The following MRPS25 variants were observed in gnomAD, a reference collection of about 807,000 sequenced individuals.
The protein encoded by MRPS25 is mitochondrial ribosomal protein S25.
A neutral mutation model predicts 17.3 loss-of-function variants in MRPS25; 15 were observed. The observed-to-expected ratio is 0.87, with a 90% CI of 0.58 to 1.34. MRPS25 has a LOEUF of 1.34. Among genes scored for constraint, MRPS25 ranks in the 40% most tolerant of loss-of-function variants. The probability of loss-of-function intolerance (pLI) is 0.00; values close to 1 mark genes in which losing one functional copy is unlikely to be tolerated. For synonymous variants in MRPS25, 94 were observed against 83.3 expected (o/e 1.13, Z -0.70); for missense variants, 225 against 218.6 (o/e 1.03, Z -0.19).
At chr3:15,053,894 G>A (rs2042638855) in intron 2 of MRPS25, among the ~76,000 whole-genome samples, 1 of 152,170 alleles carries the variant, frequency 6.6e-6, no homozygotes, top group Non-Finnish European at 1.5e-5. Context: ...GAAAATGGGA[G>A]AACGTTTACT....
At chr3:15,061,755 C>T (rs1390894153) in intron 1 of MRPS25, among the ~76,000 whole-genome samples, 2 of 151,598 alleles carry the variant, frequency 1.3e-5, no homozygotes, top group Non-Finnish European at 2.9e-5. Context: ...GGCCGCCCAT[C>T]GTCTGAGATG....
rs902107299 is a variant in MRPS25 at position 15,050,224 on chromosome 3, G to A, written c.*2217C>T. The A allele has an allele frequency of 2.6e-6, 3 of 1,164,298 alleles. No individual in the cohort carries two copies. The highest frequency in any genetic ancestry group is 7.6e-5 in the East Asian group (1 of 13,210). The allele number at this position is 1,164,298 out of a possible 1,614,324, so 72.1% of individuals were successfully genotyped here. ...GCCTGTGAAGCTGGCCACACAGGCA[G>A]TAACTGCACCACAGGACTGCTGCTG... On this transcript the variant is annotated 3_prime_UTR_variant, in exon 4 of 4. Coordinates refer to ENST00000253686, the MANE Select transcript of MRPS25 (RefSeq NM_022497.5).
At chr3:15,062,781 G>A (rs1481075873) in intron 1 of MRPS25, among the ~76,000 whole-genome samples, 2 of 152,074 alleles carry the variant, frequency 1.3e-5, no homozygotes, top group Non-Finnish European at 2.9e-5. Context: ...CCAACCCTGT[G>A]CTCTCTGAAA....
chr3:15,050,551 G>A lies in MRPS25; in HGVS notation c.*1890C>T, dbSNP rs958496206. On this transcript the variant is annotated 3_prime_UTR_variant, in exon 4 of 4. Coordinates refer to ENST00000253686, the MANE Select transcript of MRPS25 (RefSeq NM_022497.5). ...AAGAGCCCTTGCAGCCAAGTAGAAC[G>A]CCCAGGCAGGTGGTATCAAGGTCAA... The A allele has an allele frequency of 6.6e-5, 65 of 985,368 alleles. No homozygotes were observed. The highest frequency in any genetic ancestry group is 2.5e-4 in the Admixed American group (4 of 16,250). The allele number at this position is 985,368 out of a possible 1,614,324, so 61.0% of individuals were successfully genotyped here.
chr3:15,060,937 T>C (rs1200887278), intron 1 of MRPS25, among the ~76,000 whole-genome samples: 7 of 152,068 alleles, frequency 4.6e-5, no homozygotes, highest in Non-Finnish European at 7.4e-5. Context: ...AGGGGAGGAA[T>C]AGAGGCCTTG....
In MRPS25 at chr3:15,050,557, G is replaced by C. The variant is rs1485909606; in HGVS notation, c.*1884C>G. The C allele has an allele frequency of 1.0e-5, 10 of 985,522 alleles. No individual in the cohort carries two copies. The highest frequency in any genetic ancestry group is 1.7e-5 in the African/African-American group (1 of 57,326). The allele number at this position is 985,522 out of a possible 1,614,324, so 61.0% of individuals were successfully genotyped here. On this transcript the variant is annotated 3_prime_UTR_variant, in exon 4 of 4. Transcript: ENST00000253686. ...CCTTGCAGCCAAGTAGAACGCCCAG[G>C]CAGGTGGTATCAAGGTCAAGACTTC...
intron 1 of MRPS25, among the ~76,000 whole-genome samples, chr3:15,063,561 G>A (rs2042810894): frequency 1.3e-5 from 2 of 152,118 alleles, no homozygotes; most frequent in African/African-American, 2.4e-5. Context: ...GGTGGCACAG[G>A]CCAGCCCCTA....
At chr3:15,059,596 G>A in intron 1 of MRPS25, 121 bp from the exon 2 acceptor site, 1 of 733,304 alleles carries the variant, frequency 1.4e-6, no homozygotes, top group South Asian at 1.6e-5. Flanking sequence ...ACCCAAAAAG[G>A]CTGAGAAAAA....
rs561437624 is a variant in MRPS25, at chr3:15,058,929, G to A, written c.241+440C>T. On this transcript the variant is annotated intron_variant, in intron 2 of 3. Coordinates refer to ENST00000253686, the MANE Select transcript of MRPS25 (RefSeq NM_022497.5). ...GTCCTCAGAGGACACACACAGCACC[G>A]AGACAGAGGGGTTCTGGGGGCATGT... Among the ~76,000 whole-genome samples the A allele has an allele frequency of 9.2e-5, 14 of 152,108 alleles. No individual in the cohort carries two copies. The East Asian group carries it at 2.1e-3, about 23-fold the overall frequency.
rs1484761056 is a variant in MRPS25 at position 15,053,538 on chromosome 3, T to C, written c.242-71A>G. 4 of 1,570,512 alleles carry C rather than the reference T, an allele frequency of 2.5e-6. No individual in the cohort carries two copies. The East Asian group carries it at 6.7e-5, about 26-fold the overall frequency. On this transcript the variant is annotated intron_variant, in intron 2 of 3. Coordinates refer to ENST00000253686, the MANE Select transcript of MRPS25 (RefSeq NM_022497.5). ...GCACTCAGCCTCAAAAAGTTGTAAT[T>C]TGGGACTTGCTTTTAGTGGCAGAAA...
chr3:15,052,800 TGAG>T (rs1309923008), intron 3 of MRPS25, among the ~76,000 whole-genome samples, 167 bp from the exon 4 acceptor site: 1 of 152,062 alleles, frequency 6.6e-6, no homozygotes, highest in East Asian at 1.9e-4. Context: ...TGCTGGCCCC[TGAG>T]GAGAGCGCTG....
At chr3:15,058,529 C>T (rs1336977579) in intron 2 of MRPS25, among the ~76,000 whole-genome samples, 1 of 152,198 alleles carries the variant, frequency 6.6e-6, no homozygotes, top group African/African-American at 2.4e-5. Flanking sequence ...CTGTCTCCCT[C>T]TGCTGGATAT....
At position 15,065,285 on chromosome 3, in the gene MRPS25, C is replaced by G. The variant is rs1029921554; in HGVS notation, c.-91G>C. 6.9e-6 allele frequency: 10 copies of G among 1,439,368 alleles called. No homozygotes were observed. The highest frequency in any genetic ancestry group is 8.2e-6 in the Non-Finnish European group (9 of 1,094,146). The allele number at this position is 1,439,368 out of a possible 1,614,324, so 89.2% of individuals were successfully genotyped here. ...TAGCACCCGCGCGGATCTCACGCGG[C>G]TTCTCCCCAGAGCCAGGTTCCACTT... On this transcript the variant is annotated 5_prime_UTR_variant, in exon 1 of 4. Transcript: ENST00000253686.
chr3:15,052,529 C>T lies in MRPS25; in HGVS notation c.434G>A (p.Gly145Glu). 6.2e-7 allele frequency: 1 copy of T among 1,614,166 alleles called. No homozygotes were observed. Among genetic ancestry groups the T allele is most frequent in the South Asian group, 1.1e-5 (1 of 91,080 alleles). ...CLRECICEVE[G>E]QVPCPSLVPL... ...CACCAGGCTGGGGCAGGGCACCTGC[C>T]CTTCCACTTCACAGATGCACTCCCG... Residue 145 changes from glycine (G) to glutamate (E), a missense_variant, in exon 4 of 4, where the codon GGG becomes GAG. Transcript: ENST00000253686.
rs576289118 is a variant in MRPS25 at position 15,048,998 on chromosome 3, G to T, written c.*3443C>A. The T allele has an allele frequency of 4.6e-5, 7 of 152,698 alleles. No homozygotes were observed. The highest frequency in any genetic ancestry group is 1.3e-4 in the Admixed American group (2 of 15,302). 9.5% of individuals were successfully genotyped at this position (152,698 alleles called of 1,614,324 possible). A position where few individuals can be genotyped will look rare whatever the true frequency, so the allele number is the denominator to read the frequency against. On this transcript the variant is annotated 3_prime_UTR_variant, in exon 4 of 4. Coordinates refer to ENST00000253686, the MANE Select transcript of MRPS25 (RefSeq NM_022497.5). The stretch of plus-strand genomic sequence containing the variant: ...CCAGGTTTAAAACCTGTTGAAAGCT[G>T]CAGCTTTATACAGCTTTCTTCTCCC...
At chr3:15,060,836 G>A (rs376220082) in intron 1 of MRPS25, among the ~76,000 whole-genome samples, 59 of 152,196 alleles carry the variant, frequency 3.9e-4, no homozygotes, top group East Asian at 2.5e-3. Context: ...AGCCGAGATC[G>A]CGCCACTGCA....
At chr3:15,054,312 A>G (rs1283584163) in intron 2 of MRPS25, among the ~76,000 whole-genome samples, 1 of 152,252 alleles carries the variant, frequency 6.6e-6, no homozygotes, top group Non-Finnish European at 1.5e-5. Context: ...AGATACCAAG[A>G]TAATTCAATG....
Sources: gnomAD v4.1 joint callset for allele counts (sites outside exome capture counted in the v4.1 genomes callset) on GRCh38, gnomAD v4.1.1 for gene constraint, MANE v1.5 for transcripts, NCBI Gene and HGNC (gene_info 2026-07-23, HGNC 2026-07-21) for gene names.